MS4A10: variants seen among roughly 807,000 people sequenced by gnomAD.
MS4A10 encodes membrane spanning 4-domains A10.
In MS4A10, 27 loss-of-function variants were observed where a neutral mutation model predicts 27.7. The observed-to-expected ratio is 0.98, with a 90% CI of 0.72 to 1.35. MS4A10 has a LOEUF of 1.35. Among genes scored for constraint, MS4A10 ranks in the 40% most tolerant of loss-of-function variants. The probability of loss-of-function intolerance (pLI) is 0.00; values close to 1 mark genes in which losing one functional copy is unlikely to be tolerated. For synonymous variants in MS4A10, 139 were observed against 131.2 expected (o/e 1.06, Z -0.41); for missense variants, 338 against 324.7 (o/e 1.04, Z -0.32).
intron 3 of MS4A10, among the ~76,000 whole-genome samples, chr11:60,791,303 GAGTC>G (rs1828123842): frequency 6.6e-6 from 1 of 152,218 alleles, no homozygotes; most frequent in African/African-American, 2.4e-5. Flanking sequence ...TGTCAATTCT[GAGTC>G]CCAAGAGAGC....
At position 60,788,171 on chromosome 11, in the gene MS4A10, A is replaced by G. The variant is rs144935390; in HGVS notation, c.-22-2143A>G. Among the ~76,000 whole-genome samples, 1,264 of 152,326 alleles carry G rather than the reference A, an allele frequency of 8.3e-3. 13 individuals carry two copies. Among genetic ancestry groups the G allele is most frequent in the East Asian group, 0.044 (228 of 5,188 alleles). ...GAGAAAAAGGGAGAAGAGGCTAACC[A>G]TGGTTTCTCAAACTTATTTGACCAT... On this transcript the variant is annotated intron_variant, in intron 1 of 7. Transcript: ENST00000308287.
chr11:60,792,461 G>A, intron 4 of MS4A10, 140 bp downstream of exon 4: 1 of 682,648 alleles, frequency 1.5e-6, no homozygotes, highest in Non-Finnish European at 2.6e-6. Context: ...GACAGCAGAG[G>A]ATGTCCAAGC....
chr11:60,794,004 C>A lies in MS4A10; in HGVS notation c.393C>A (p.Ser131Arg). The change falls in exon 5 of 8, where the codon AGC (serine) becomes AGA (arginine). Residue 131 changes from serine to arginine, a missense_variant. Coordinates refer to ENST00000308287, the MANE Select transcript of MS4A10 (RefSeq NM_206893.4). Reference sequence around the variant, plus strand: ...TGTGCCTGATGACAAACCTCATCAGCCTCTTTTGCGTGCTGTCTGGCCTCT... The same window carrying A: ...TGTGCCTGATGACAAACCTCATCAGACTCTTTTGCGTGCTGTCTGGCCTCT... ...KMLCLMTNLI[S>R]LFCVLSGLFV... The A allele has an allele frequency of 6.2e-7, 1 of 1,614,170 alleles. No homozygotes were observed. The highest frequency in any genetic ancestry group is 8.5e-7 in the Non-Finnish European group (1 of 1,180,024).
intron 5 of MS4A10, among the ~76,000 whole-genome samples, 168 bp downstream of exon 5, chr11:60,794,271 G>T (rs1854485102): frequency 1.3e-5 from 2 of 152,228 alleles, no homozygotes. Flanking sequence ...GTGGAAAGGT[G>T]GGTGCTGGGC....
rs749128596 is a variant in MS4A10, at chr11:60,790,905, G to A, written c.184-69G>A. 4 of 1,595,526 alleles carry A rather than the reference G, an allele frequency of 2.5e-6. No individual in the cohort carries two copies. In the African/African-American group the frequency reaches 4.0e-5, roughly 16 times the overall value. On this transcript the variant is annotated intron_variant, in intron 2 of 7. Coordinates refer to ENST00000308287, the MANE Select transcript of MS4A10 (RefSeq NM_206893.4). ...ACTCACCACAGCCAGTAGGTCCAGG[G>A]CACTAGTGGCCTCAATTAGAGCCAG... is the stretch of plus-strand genomic sequence containing the variant.
intron 6 of MS4A10, 59 bp from the exon 7 acceptor site, chr11:60,798,337 G>A (rs961924915): frequency 9.2e-6 from 12 of 1,305,008 alleles, no homozygotes; most frequent in African/African-American, 1.5e-5. Context: ...GAAGTGTTTC[G>A]GAAGCAGCCA....
At position 60,800,431 on chromosome 11, in the gene MS4A10, G is replaced by T. The variant is rs569648833; in HGVS notation, c.*522G>T. 5.5e-4 allele frequency: 86 copies of T among 155,802 alleles called. No individual in the cohort carries two copies. Among genetic ancestry groups the T allele is most frequent in the Middle Eastern group, 3.3e-3 (1 of 304 alleles). 9.7% of individuals were successfully genotyped at this position (155,802 alleles called of 1,614,324 possible). On this transcript the variant is annotated 3_prime_UTR_variant, in exon 8 of 8. Transcript: ENST00000308287. ...CTCCCAAAGTGCTGGGATTACAGGC[G>T]TGAGCCACTGTGCCCAGCCCAGGTT... is the stretch of plus-strand genomic sequence containing the variant.
intron 1 of MS4A10, among the ~76,000 whole-genome samples, chr11:60,789,822 A>C (rs1204096768): frequency 6.6e-6 from 1 of 152,212 alleles, no homozygotes; most frequent in Non-Finnish European, 1.5e-5. Flanking sequence ...GTGTTGGCTC[A>C]TAAAAAGTCC....
chr11:60,793,610 G>A (rs1333331499), intron 4 of MS4A10, among the ~76,000 whole-genome samples: 3 of 152,178 alleles, frequency 2.0e-5, no homozygotes, highest in South Asian at 2.1e-4. Context: ...CCTGGGTGTC[G>A]AATCCCTGAC....
At chr11:60,795,691 G>A (rs1336441317) in intron 6 of MS4A10, 26 bp downstream of exon 6, 2 of 1,476,706 alleles carry the variant, frequency 1.4e-6, no homozygotes, top group Admixed American at 2.3e-5. Context: ...GTCTTCCCAG[G>A]AAGACAAAAA....
intron 1 of MS4A10, among the ~76,000 whole-genome samples, chr11:60,786,461 C>G (rs569568128): frequency 1.3e-5 from 2 of 152,134 alleles, no homozygotes; most frequent in Admixed American, 6.5e-5. Context: ...CCCCTACCCC[C>G]ACCCCAGGGC....
intron 2 of MS4A10, 67 bp downstream of exon 2, chr11:60,790,585 TG>T: frequency 5.8e-6 from 9 of 1,564,396 alleles, no homozygotes; most frequent in Non-Finnish European, 7.8e-6. Flanking sequence ...AGGAGGATGC[TG>T]GGGGGCCCCA....
intron 1 of MS4A10, among the ~76,000 whole-genome samples, chr11:60,788,709 G>C (rs1461398208): frequency 6.6e-6 from 1 of 152,208 alleles, no homozygotes; most frequent in African/African-American, 2.4e-5. Context: ...GAAAGAGGGA[G>C]ACCCTCTGCC....
chr11:60,787,291 G>A (rs1014079488), intron 1 of MS4A10, among the ~76,000 whole-genome samples: 7 of 152,196 alleles, frequency 4.6e-5, no homozygotes, highest in African/African-American at 1.7e-4. Flanking sequence ...CTCTCTGTCA[G>A]CACACTGTCA....
Position 60,795,743 on chromosome 11 carries a change from T to C in MS4A10, c.603+78T>C, listed in dbSNP as rs575946381. 4 of 864,798 alleles carry C rather than the reference T, an allele frequency of 4.6e-6. No homozygotes were observed. The South Asian group carries it at 7.3e-5, about 16-fold the overall frequency. The allele number at this position is 864,798 out of a possible 1,614,324, so 53.6% of individuals were successfully genotyped here. On this transcript the variant is annotated intron_variant, in intron 6 of 7. Coordinates refer to ENST00000308287, the MANE Select transcript of MS4A10 (RefSeq NM_206893.4). ...GCAGAGAGCTCAGAAAGGAAAGATA[T>C]GTGGGGGTTACAAGAGGAGCGTGTT...
intron 5 of MS4A10, among the ~76,000 whole-genome samples, chr11:60,795,041 G>A (rs149419315): frequency 1.1e-3 from 160 of 152,214 alleles, no homozygotes; most frequent in Middle Eastern, 0.01. Context: ...ATACACACAC[G>A]TGCATACACA....
chr11:60,791,237 T>C (rs1206224871), intron 3 of MS4A10, 144 bp downstream of exon 3: 2 of 1,072,050 alleles, frequency 1.9e-6, no homozygotes, highest in Non-Finnish European at 2.6e-6. Context: ...CCAGTGTTCC[T>C]AGCTCTGCTT....
rs576967865 is a variant in MS4A10 at position 60,794,073 on chromosome 11, C to A, written c.462C>A (p.Ser154=). ...TCTTTCTGGAGAGCCCATTTGAGTC[C>A]CCGATCTGGAGAATGTACCCCAACT... The part of the protein sequence containing the change: ...KDLFLESPFE[S]PIWRMYPNST... Residue 154 remains serine, a synonymous_variant, in exon 5 of 8, where the codon TCC becomes TCA. Transcript: ENST00000308287. 6 of 1,613,988 alleles carry A rather than the reference C, an allele frequency of 3.7e-6. No homozygotes were observed. In the South Asian group the frequency reaches 5.5e-5, roughly 15 times the overall value.
chr11:60,788,724 C>T (rs1854378690), intron 1 of MS4A10, among the ~76,000 whole-genome samples: 1 of 152,220 alleles, frequency 6.6e-6, no homozygotes, highest in Admixed American at 6.5e-5. Flanking sequence ...TCTGCCCACT[C>T]ACCCCACTAA....
Sources: allele counts gnomAD v4.1 joint callset (sites outside exome capture counted in the v4.1 genomes callset), GRCh38; gene constraint gnomAD v4.1.1; transcripts MANE v1.5; gene names NCBI Gene and HGNC (gene_info 2026-07-23, HGNC 2026-07-21).